CRACR2A: variants seen among roughly 807,000 people sequenced by gnomAD.
CRACR2A encodes the protein EF-hand calcium-binding domain-containing protein 4B.
A neutral mutation model predicts 90.5 loss-of-function variants in CRACR2A; 79 were observed. The observed-to-expected ratio is 0.87, with a 90% CI of 0.73 to 1.05. The LOEUF (loss-of-function observed/expected upper bound fraction) is 1.05, where lower values mean the gene tolerates loss of function less well. Ranked by LOEUF, CRACR2A falls within the 50% of genes least tolerant of loss-of-function variation. The pLI is 0.00. For missense variants in CRACR2A, 823 were observed against 897.2 expected, an observed-to-expected ratio of 0.92 and a Z score of 1.06; for synonymous variants, 338 against 356.7, an observed-to-expected ratio of 0.95 and a Z score of 0.59.
chr12:3,658,483 A>G (rs946296824), intron 8 of CRACR2A, among the ~76,000 whole-genome samples: 6 of 152,162 alleles, frequency 3.9e-5, no homozygotes, highest in Non-Finnish European at 7.4e-5. Flanking sequence ...GTTGAGGGGC[A>G]GGAGCAGCCA....
chr12:3,751,847 C>A (rs568945934), intron 1 of CRACR2A, among the ~76,000 whole-genome samples: 2 of 151,976 alleles, frequency 1.3e-5, no homozygotes, highest in East Asian at 3.9e-4. Context: ...CCTGAAGCCT[C>A]TCACTTATCA....
intron 7 of CRACR2A, 65 bp from the exon 8 acceptor site, chr12:3,659,719 G>T: frequency 7.6e-7 from 1 of 1,317,298 alleles, no homozygotes; most frequent in Non-Finnish European, 1.1e-6. Flanking sequence ...AGCTCCTGGA[G>T]CTCAGACACC....
chr12:3,623,462 A>G (rs1591634153), intron 17 of CRACR2A, among the ~76,000 whole-genome samples: 1 of 152,096 alleles, frequency 6.6e-6, no homozygotes, highest in Non-Finnish European at 1.5e-5. Context: ...TGGGGGAAAT[A>G]CCAGCCCATA....
intron 4 of CRACR2A, among the ~76,000 whole-genome samples, chr12:3,692,478 C>T (rs1458038862): frequency 2.1e-5 from 3 of 140,936 alleles, no homozygotes; most frequent in Non-Finnish European, 1.5e-5. Context: ...GGTTTTTTTT[C>T]TCTGGCTCCT....
chr12:3,656,302 G>C lies in CRACR2A; in HGVS notation c.858+9C>G, dbSNP rs1944905980. The C allele has an allele frequency of 6.2e-7, 1 of 1,613,564 alleles. No individual in the cohort carries two copies. The highest frequency in any genetic ancestry group is 1.3e-5 in the African/African-American group (1 of 74,890). ...GCCAGGTACTCTGGGGCCATGGATGGCAACATACCCTTTTCTGCTTCTGGG... is the reference window on the plus strand; with the variant it reads ...GCCAGGTACTCTGGGGCCATGGATGCCAACATACCCTTTTCTGCTTCTGGG... On this transcript the variant is annotated intron_variant, in intron 9 of 19. Coordinates refer to ENST00000440314, the MANE Select transcript of CRACR2A (RefSeq NM_001144958.2).
At chr12:3,638,540 G>C (rs1319870035) in intron 13 of CRACR2A, 86 bp from the exon 14 acceptor site, 1 of 1,388,156 alleles carries the variant, frequency 7.2e-7, no homozygotes, top group Non-Finnish European at 9.6e-7. Flanking sequence ...GTGACGAACA[G>C]ATACCCAAGG....
At chr12:3,740,967 C>G (rs1449301078) in intron 1 of CRACR2A, among the ~76,000 whole-genome samples, 1 of 152,152 alleles carries the variant, frequency 6.6e-6, no homozygotes, top group African/African-American at 2.4e-5. Context: ...GCTGTCTGAC[C>G]ACACATATGT....
At chr12:3,728,036 T>C (rs241974) in intron 2 of CRACR2A, 112,221 of 152,126 alleles carry the variant, frequency 0.74, 41,541 homozygotes, top group Non-Finnish European at 0.78. Context: ...GGATACTTCT[T>C]TTGTATCTGC....
chr12:3,681,094 C>A (rs930560191), intron 4 of CRACR2A, among the ~76,000 whole-genome samples: 1 of 152,190 alleles, frequency 6.6e-6, no homozygotes, highest in Non-Finnish European at 1.5e-5. Context: ...CTGCTGGAGG[C>A]CCCTGGTGTC....
chr12:3,669,499 C>A (rs1945203717), intron 7 of CRACR2A, among the ~76,000 whole-genome samples: 1 of 150,712 alleles, frequency 6.6e-6, no homozygotes, highest in Non-Finnish European at 1.5e-5. Context: ...TAGAGGCCCA[C>A]AAGGGGCTCA....
intron 1 of CRACR2A, among the ~76,000 whole-genome samples, chr12:3,747,683 C>G (rs748179946): frequency 3.3e-5 from 5 of 152,192 alleles, no homozygotes; most frequent in Non-Finnish European, 5.9e-5. Flanking sequence ...TCCCACGTCC[C>G]CTGGTGCTGC....
chr12:3,737,374 T>TGATGAGGC (rs1946463103), intron 1 of CRACR2A, among the ~76,000 whole-genome samples: 1 of 152,158 alleles, frequency 6.6e-6, no homozygotes, highest in Non-Finnish European at 1.5e-5. Context: ...AGAGTAGGAC[T>TGATGAGGC]TGATGGGCAG....
chr12:3,749,084 G>A (rs6489496), intron 1 of CRACR2A, among the ~76,000 whole-genome samples: 117,541 of 152,150 alleles, frequency 0.77, 46,033 homozygotes, highest in Middle Eastern at 0.9. Context: ...ATGATACTGT[G>A]CCTCTCTCTT....
intron 7 of CRACR2A, among the ~76,000 whole-genome samples, chr12:3,666,284 C>A (rs1447301154): frequency 6.6e-6 from 1 of 151,526 alleles, no homozygotes; most frequent in Non-Finnish European, 1.5e-5. Flanking sequence ...ACATCTTCAC[C>A]CAAGATATCT....
chr12:3,750,015 C>T lies in CRACR2A; in HGVS notation c.-387+3000G>A, dbSNP rs761317655. ...GCAATGGCGCAATCTCAGCTCACTG[C>T]AAACACCGCCTCCCGGGTTCAACCA... On this transcript the variant is annotated intron_variant, in intron 1 of 19. Transcript: ENST00000440314. 5.9e-4 allele frequency among the ~76,000 whole-genome samples: 89 copies of T among 151,842 alleles called. 4 individuals carry two copies. Among genetic ancestry groups the T allele is most frequent in the Non-Finnish European group, 4.4e-5 (3 of 67,980 alleles).
At chr12:3,733,872 GACACACACACACACACACACAC>G in intron 1 of CRACR2A, among the ~76,000 whole-genome samples, 1 of 136,094 alleles carries the variant, frequency 7.3e-6, no homozygotes, top group Non-Finnish European at 1.6e-5. Flanking sequence ...AAATTTTCAG[GACACACACACACACACACACAC>G]ACACACACAC....
At chr12:3,747,117 G>A (rs765956240) in intron 1 of CRACR2A, among the ~76,000 whole-genome samples, 2 of 152,232 alleles carry the variant, frequency 1.3e-5, no homozygotes, top group Non-Finnish European at 1.5e-5. Context: ...GCGGCAGGCT[G>A]TGGAACGCTT....
chr12:3,677,511 C>A (rs1042457824), intron 6 of CRACR2A, among the ~76,000 whole-genome samples: 2 of 152,226 alleles, frequency 1.3e-5, no homozygotes, highest in Non-Finnish European at 2.9e-5. Context: ...AGGCTGCTAC[C>A]CTGCAGTGAG....
chr12:3,689,178 CTTTA>C (rs1429015858), intron 4 of CRACR2A, among the ~76,000 whole-genome samples: 2 of 152,106 alleles, frequency 1.3e-5, no homozygotes, highest in Admixed American at 1.3e-4. Context: ...AATGGATGTG[CTTTA>C]TTTCTTTCTT....
Sources: allele counts gnomAD v4.1 joint callset (sites outside exome capture counted in the v4.1 genomes callset), GRCh38; gene constraint gnomAD v4.1.1; transcripts MANE v1.5; gene names NCBI Gene and HGNC (gene_info 2026-07-23, HGNC 2026-07-21).